The following PTPN3 variants were observed in gnomAD, a reference collection of about 807,000 sequenced individuals.
The protein encoded by PTPN3 is protein tyrosine phosphatase non-receptor type 3.
Under a neutral mutation model 132.7 loss-of-function variants are expected in PTPN3, and 96 were observed. The observed-to-expected ratio is 0.72, with a 90% confidence interval of 0.61 to 0.86. The LOEUF (loss-of-function observed/expected upper bound fraction) is 0.86. PTPN3 is among the 40% of genes least tolerant of loss of function. The pLI is 0.00. For synonymous variants in PTPN3, 398 were observed against 429.0 expected (o/e 0.93, Z 0.89); for missense variants, 1,125 against 1,159.6 (o/e 0.97, Z 0.43).
the PTPN3 span, among the ~76,000 whole-genome samples, chr9:109,510,063 A>G: frequency 6.6e-6 from 1 of 152,224 alleles, no homozygotes; most frequent in Non-Finnish European, 1.5e-5. Context: ...GCCATATGGC[A>G]TATGCAGCAG....
At chr9:109,483,650 A>T (rs1847069201) in intron 1 of PTPN3, among the ~76,000 whole-genome samples, 4 of 152,102 alleles carry the variant, frequency 2.6e-5, no homozygotes, top group South Asian at 2.1e-4. Flanking sequence ...AACAAAATCA[A>T]ATCACTCCAT....
the PTPN3 span, among the ~76,000 whole-genome samples, chr9:109,507,482 A>G: frequency 6.6e-6 from 1 of 152,274 alleles, no homozygotes; most frequent in Non-Finnish European, 1.5e-5. Flanking sequence ...CAGCCTGCCC[A>G]GTGATCTGGT....
At chr9:109,489,276 A>G (rs1389340523) in intron 1 of PTPN3, among the ~76,000 whole-genome samples, 3 of 152,168 alleles carry the variant, frequency 2.0e-5, no homozygotes, top group African/African-American at 7.2e-5. Flanking sequence ...AGAGCTGACA[A>G]AAGGCCGGTG....
intron 2 of PTPN3, among the ~76,000 whole-genome samples, chr9:109,459,516 A>G (rs1022373994): frequency 6.6e-6 from 1 of 152,196 alleles, no homozygotes; most frequent in Non-Finnish European, 1.5e-5. Flanking sequence ...TTCATAACTA[A>G]GAATTTCTGG....
chr9:109,537,890 A>G, the PTPN3 span, among the ~76,000 whole-genome samples: 10 of 152,356 alleles, frequency 6.6e-5, no homozygotes, highest in African/African-American at 2.2e-4. Context: ...TGAATGAGCC[A>G]AAACCATGTT....
At chr9:109,408,796 A>ATATATATATATATATATATAT (rs1554783378) in intron 16 of PTPN3, among the ~76,000 whole-genome samples, 23 of 108,320 alleles carry the variant, frequency 2.1e-4, no homozygotes, top group African/African-American at 8.2e-4. Flanking sequence ...AAAAAAAAAA[A>ATATATATATATATATATATAT]ATATATATAT....
intron 1 of PTPN3, among the ~76,000 whole-genome samples, chr9:109,464,124 G>A (rs930492024): frequency 6.6e-6 from 1 of 152,172 alleles, no homozygotes; most frequent in African/African-American, 2.4e-5. Context: ...ATTCAAGACT[G>A]GCAAAACCAC....
intron 1 of PTPN3, among the ~76,000 whole-genome samples, chr9:109,479,206 A>G (rs917387430): frequency 1.3e-5 from 2 of 149,698 alleles, no homozygotes; most frequent in African/African-American, 4.9e-5. Flanking sequence ...CCCTCCTCCA[A>G]CTCCTGGCCA....
chr9:109,440,192 CAG>C (rs1487460069), intron 7 of PTPN3, among the ~76,000 whole-genome samples: 2 of 152,178 alleles, frequency 1.3e-5, no homozygotes, highest in Non-Finnish European at 2.9e-5. Flanking sequence ...GGGAAAAGGG[CAG>C]AGAGCCAAGT....
At chr9:109,450,050 T>C in intron 5 of PTPN3, 2 of 984,086 alleles carry the variant, frequency 2.0e-6, no homozygotes, top group Non-Finnish European at 2.4e-6. Flanking sequence ...GTCAATTGTG[T>C]CTTATTTTAA....
the PTPN3 span, among the ~76,000 whole-genome samples, chr9:109,535,471 A>G: frequency 2.6e-5 from 4 of 152,112 alleles, no homozygotes; most frequent in Admixed American, 2.0e-4. Flanking sequence ...TCTTCAGTTG[A>G]TCTGATAAGC....
the PTPN3 span, among the ~76,000 whole-genome samples, chr9:109,517,314 G>A: frequency 6.6e-6 from 1 of 152,180 alleles, no homozygotes; most frequent in African/African-American, 2.4e-5. Context: ...AATGTGTTGA[G>A]GTTCTCTGAT....
At chr9:109,474,864 C>T (rs958617135) in intron 1 of PTPN3, among the ~76,000 whole-genome samples, 11 of 152,042 alleles carry the variant, frequency 7.2e-5, no homozygotes, top group African/African-American at 2.2e-4. Flanking sequence ...AGATTAACTT[C>T]GGAGAGACTG....
the PTPN3 span, chr9:109,534,320 C>A: frequency 5.3e-6 from 8 of 1,521,444 alleles, no homozygotes; most frequent in African/African-American, 1.1e-4. Flanking sequence ...TGGGTCTCGG[C>A]CTCGCTGCTC....
At chr9:109,405,137 T>C (rs1473285973) in intron 18 of PTPN3, among the ~76,000 whole-genome samples, 1 of 152,198 alleles carries the variant, frequency 6.6e-6, no homozygotes, top group Admixed American at 6.5e-5. Flanking sequence ...CTAGCATCTC[T>C]TCTGTGCTTC....
the PTPN3 span, among the ~76,000 whole-genome samples, chr9:109,532,263 A>G: frequency 2.0e-5 from 3 of 152,182 alleles, no homozygotes; most frequent in Non-Finnish European, 2.9e-5. Flanking sequence ...AATCCCCTTT[A>G]AAGTTTGATT....
chr9:109,410,800 T>C (rs925225518), intron 14 of PTPN3, among the ~76,000 whole-genome samples: 1 of 152,214 alleles, frequency 6.6e-6, no homozygotes, highest in African/African-American at 2.4e-5. Context: ...GAAAGCTTTT[T>C]TCCTTCTGTC....
chr9:109,509,614 C>T, the PTPN3 span, among the ~76,000 whole-genome samples: 29 of 152,280 alleles, frequency 1.9e-4, 1 homozygote, highest in Non-Finnish European at 1.2e-4. Context: ...ATTGATATGC[C>T]CGTCAGGCCA....
intron 1 of PTPN3, among the ~76,000 whole-genome samples, chr9:109,497,814 C>A (rs1373985300): frequency 6.6e-6 from 1 of 151,920 alleles, no homozygotes; most frequent in African/African-American, 2.4e-5. Context: ...TAGCTCCCCG[C>A]GGGCTGTGTG....
Sources: gnomAD v4.1 joint callset for allele counts (sites outside exome capture counted in the v4.1 genomes callset) on GRCh38, gnomAD v4.1.1 for gene constraint, MANE v1.5 for transcripts, NCBI Gene and HGNC (gene_info 2026-07-23, HGNC 2026-07-21) for gene names.